Variants in PYGL observed in about 807,000 individuals in gnomAD.
PYGL encodes glycogen phosphorylase, liver form.
PYGL carries 90 observed loss-of-function variants against 100.1 expected under a neutral mutation model. That is an observed-to-expected ratio of 0.90 (90% CI 0.76 to 1.07). The LOEUF (loss-of-function observed/expected upper bound fraction) is 1.07, where lower values mean the gene tolerates loss of function less well. Ranked by LOEUF, PYGL falls within the 50% of genes least tolerant of loss-of-function variation. PYGL has a pLI of 0.00. For missense variants in PYGL, 1,016 were observed against 1,057.6 expected, an observed-to-expected ratio of 0.96 and a Z score of 0.55; for synonymous variants, 373 against 393.0, an observed-to-expected ratio of 0.95 and a Z score of 0.60.
chr14:50,921,053 C>T lies in PYGL; in HGVS notation c.675G>A (p.Leu225=). The change falls in exon 6 of 20, where the codon CTG becomes CTA. Residue 225 remains leucine, a synonymous_variant. Coordinates refer to ENST00000216392, the MANE Select transcript of PYGL (RefSeq NM_002863.5). ...AGCCGGGCACGGGGGTGTCATATGG[C>T]AGAGCCAGGACCACCTGTGGGATTA... ...KWIDTQVVLA[L]PYDTPVPGYM... The T allele has an allele frequency of 6.2e-7, 1 of 1,613,696 alleles. No individual in the cohort carries two copies. The highest frequency in any genetic ancestry group is 8.5e-7 in the Non-Finnish European group (1 of 1,179,598).
chr14:50,910,207 C>T lies in PYGL; in HGVS notation c.1970-105G>A, dbSNP rs189856676. 337 of 1,179,402 alleles carry T rather than the reference C, an allele frequency of 2.9e-4. 2 individuals are homozygous for T. In the Admixed American group the frequency reaches 5.9e-3, roughly 21 times the overall value. 73.1% of individuals were successfully genotyped at this position (1,179,402 alleles called of 1,614,324 possible). On this transcript the variant is annotated intron_variant, in intron 16 of 19. Transcript: ENST00000216392. Reference sequence around the variant, plus strand: ...GGCTGTTTTGATAATTAAAGTAATACATGCACATTAAGATAAACATTCAAA... The same window carrying T: ...GGCTGTTTTGATAATTAAAGTAATATATGCACATTAAGATAAACATTCAAA...
chr14:50,917,052 T>G lies in PYGL; in HGVS notation c.909A>C (p.Ala303=). Residue 303 remains alanine, a synonymous_variant, in exon 8 of 20, where the codon GCA becomes GCC. Coordinates refer to ENST00000216392, the MANE Select transcript of PYGL (RefSeq NM_002863.5). ...RLKQEYFVVA[A]TLQDIIRRFK... ...AACGGCGGATGATATCTTGCAAGGT[T>G]GCAGCCACCACAAAGTATTCCTGCT... 6.2e-7 allele frequency: 1 copy of G among 1,613,958 alleles called. No individual in the cohort carries two copies. Among genetic ancestry groups the G allele is most frequent in the Non-Finnish European group, 8.5e-7 (1 of 1,179,798 alleles).
chr14:50,938,375 T>A (rs946108242), intron 1 of PYGL, among the ~76,000 whole-genome samples: 5 of 119,338 alleles, frequency 4.2e-5, no homozygotes, highest in African/African-American at 1.7e-4. Context: ...CATGCCCAGC[T>A]AATTTTTCTA....
rs746744632 is a variant in PYGL, at chr14:50,944,150, C to T, written c.243+11G>A. 3.8e-6 allele frequency: 6 copies of T among 1,597,640 alleles called. No homozygotes were observed. The highest frequency in any genetic ancestry group is 2.7e-5 in the African/African-American group (2 of 74,736). On this transcript the variant is annotated intron_variant, in intron 1 of 19. Coordinates refer to ENST00000216392, the MANE Select transcript of PYGL (RefSeq NM_002863.5). ...GGCTGGACCCCGGCCCGCCGTCCCG[C>T]CCCCGGTTACCTTGGGGCACTTGTC...
intron 17 of PYGL, among the ~76,000 whole-genome samples, chr14:50,909,298 T>G (rs1185930213): frequency 6.6e-6 from 1 of 152,218 alleles, no homozygotes; most frequent in East Asian, 1.9e-4. Context: ...GATCAGTTGC[T>G]TTTTGGATCC....
intron 5 of PYGL, 84 bp from the exon 6 acceptor site, chr14:50,921,151 G>T: frequency 9.2e-7 from 1 of 1,084,224 alleles, no homozygotes; most frequent in South Asian, 1.3e-5. Flanking sequence ...GACTGCAATG[G>T]AATTCTATTC....
At chr14:50,909,215 C>G (rs1219605059) in intron 17 of PYGL, among the ~76,000 whole-genome samples, 2 of 152,138 alleles carry the variant, frequency 1.3e-5, no homozygotes, top group Non-Finnish European at 2.9e-5. Context: ...CATCAAGAGT[C>G]TGATGTGGTA....
At chr14:50,919,875 G>T (rs1457880884) in intron 7 of PYGL, among the ~76,000 whole-genome samples, 1 of 152,054 alleles carries the variant, frequency 6.6e-6, no homozygotes, top group Non-Finnish European at 1.5e-5. Context: ...GTAGGGACAG[G>T]GTTTCGTCAT....
In PYGL at chr14:50,936,172, T is replaced by C. The variant is rs879769618; in HGVS notation, c.346-987A>G. Among the ~76,000 whole-genome samples, 10 of 152,378 alleles carry C rather than the reference T, an allele frequency of 6.6e-5. No individual in the cohort carries two copies. In the East Asian group the frequency reaches 1.9e-3, roughly 29 times the overall value. ...AATCTAGCCCAGGCATGGCTAAAGGTGGCCTACTGTGAAACAACTGGGTTC... is the reference window on the plus strand; with the variant it reads ...AATCTAGCCCAGGCATGGCTAAAGGCGGCCTACTGTGAAACAACTGGGTTC... On this transcript the variant is annotated intron_variant, in intron 2 of 19. Coordinates refer to ENST00000216392, the MANE Select transcript of PYGL (RefSeq NM_002863.5).
chr14:50,929,662 C>T (rs771719673), intron 4 of PYGL, among the ~76,000 whole-genome samples: 9 of 152,036 alleles, frequency 5.9e-5, no homozygotes, highest in South Asian at 2.1e-4. Context: ...TAGTGAGTAG[C>T]GCATGGTATC....
chr14:50,932,502 T>C (rs2050610873), intron 3 of PYGL, among the ~76,000 whole-genome samples: 1 of 152,160 alleles, frequency 6.6e-6, no homozygotes, highest in Admixed American at 6.6e-5. Flanking sequence ...CTTTTTTCCA[T>C]GAGGGGAAAG....
intron 4 of PYGL, among the ~76,000 whole-genome samples, chr14:50,928,530 T>C (rs578027787): frequency 4.6e-5 from 7 of 152,178 alleles, no homozygotes; most frequent in South Asian, 2.1e-4. Context: ...TTCTGTGAGG[T>C]TGTTGCAATT....
At chr14:50,906,214 G>T (rs2050335246) in intron 19 of PYGL, among the ~76,000 whole-genome samples, 1 of 152,080 alleles carries the variant, frequency 6.6e-6, no homozygotes. Context: ...TTATTTTATA[G>T]CCTCTTAATT....
chr14:50,937,186 G>A (rs2050660941), intron 2 of PYGL, among the ~76,000 whole-genome samples: 1 of 152,152 alleles, frequency 6.6e-6, no homozygotes, highest in African/African-American at 2.4e-5. Context: ...GCTCAGGAAA[G>A]AAAAAGTTAA....
chr14:50,926,791 C>A (rs1031767146), intron 4 of PYGL, among the ~76,000 whole-genome samples: 1 of 143,074 alleles, frequency 7.0e-6, no homozygotes, highest in East Asian at 2.1e-4. Context: ...ACTAGAAATG[C>A]TATAATAAAT....
intron 5 of PYGL, among the ~76,000 whole-genome samples, chr14:50,921,850 G>A (rs1236195874): frequency 2.0e-5 from 3 of 152,192 alleles, no homozygotes; most frequent in Non-Finnish European, 4.4e-5. Flanking sequence ...AAAGTAAATG[G>A]AATAGGAAAT....
At chr14:50,917,144 G>A (rs777217949) in intron 7 of PYGL, 39 bp from the exon 8 acceptor site, 2 of 1,603,752 alleles carry the variant, frequency 1.2e-6, no homozygotes, top group African/African-American at 1.3e-5. Context: ...GGTTCATATT[G>A]TAGGTGTGGC....
intron 3 of PYGL, 145 bp from the exon 4 acceptor site, chr14:50,931,921 A>G (rs1269857523): frequency 1.5e-6 from 1 of 653,662 alleles, no homozygotes. Context: ...CTACTGCACA[A>G]TGGGTATTGA....
At chr14:50,919,230 G>A (rs1414612881) in intron 7 of PYGL, among the ~76,000 whole-genome samples, 3 of 152,174 alleles carry the variant, frequency 2.0e-5, no homozygotes, top group African/African-American at 7.2e-5. Context: ...ACTGGGTTTA[G>A]GTTGGCAGTA....
Sources: allele counts gnomAD v4.1 joint callset (sites outside exome capture counted in the v4.1 genomes callset), GRCh38; gene constraint gnomAD v4.1.1; transcripts MANE v1.5; gene names NCBI Gene and HGNC (gene_info 2026-07-23, HGNC 2026-07-21).